Variants in HS6ST2 observed in about 807,000 individuals in gnomAD.
HS6ST2 encodes the protein heparan sulfate 6-O-sulfotransferase 2.
In HS6ST2, 17 loss-of-function variants were observed where a neutral mutation model predicts 33.0. The ratio of observed to expected loss-of-function variants is 0.52; its 90% CI spans 0.35 to 0.77. The LOEUF (loss-of-function observed/expected upper bound fraction) is 0.77. Ranked by LOEUF, HS6ST2 falls within the 30% of genes least tolerant of loss-of-function variation. The pLI, the probability that HS6ST2 is intolerant of heterozygous loss-of-function variation, is 0.01. For missense variants in HS6ST2, 519 were observed against 551.7 expected (o/e 0.94, Z 0.59); for synonymous variants, 248 against 237.1 (o/e 1.05, Z -0.42).
intron 2 of HS6ST2, among the ~76,000 whole-genome samples, chrX:132,941,679 C>A (rs2066888592): frequency 8.9e-6 from 1 of 112,128 alleles, no homozygotes; most frequent in African/African-American, 3.2e-5. Flanking sequence ...ATGTGTATAT[C>A]TTTATAACTT....
intron 4 of HS6ST2, among the ~76,000 whole-genome samples, chrX:132,664,251 C>T (rs1602555376): frequency 8.9e-6 from 1 of 111,862 alleles, no homozygotes. Flanking sequence ...CCTCATGGTC[C>T]GCCCACCTCG....
intron 2 of HS6ST2, among the ~76,000 whole-genome samples, chrX:132,813,422 T>G (rs866159629): frequency 2.6e-4 from 29 of 111,663 alleles, no homozygotes; most frequent in African/African-American, 9.4e-4. Flanking sequence ...AGATCACACA[T>G]ATAGATATTC....
At chrX:132,806,403 C>T (rs182382862) in intron 2 of HS6ST2, among the ~76,000 whole-genome samples, 1 of 109,456 alleles carries the variant, frequency 9.1e-6, no homozygotes, top group African/African-American at 3.3e-5. Flanking sequence ...GTAAATCACT[C>T]TCCACACAGA....
At chrX:132,855,680 G>A (rs931129627) in intron 2 of HS6ST2, among the ~76,000 whole-genome samples, 4 of 111,885 alleles carry the variant, frequency 3.6e-5, no homozygotes, top group Non-Finnish European at 5.6e-5. Context: ...CTAGAAATTT[G>A]TAAAACTGTT....
rs1270973703 is a variant in HS6ST2, at chrX:132,862,117, T to C, written c.947+94691A>G. ...AGTTTTTCCCAAGTCATTAGTTAAA[T>C]AGCTCTTCCTTTCTTATTCTTTTGT... On this transcript the variant is annotated intron_variant, in intron 2 of 4. Coordinates refer to ENST00000370833, the MANE Select transcript of HS6ST2 (RefSeq NM_001394073.1). Among the ~76,000 whole-genome samples the C allele has an allele frequency of 2.7e-5, 3 of 112,210 alleles. No individual in the cohort carries two copies. The Admixed American group carries it at 2.8e-4, about 11-fold the overall frequency.
At chrX:132,648,538 C>CAAAAAAA (rs386417567) in intron 4 of HS6ST2, among the ~76,000 whole-genome samples, 2 of 57,581 alleles carry the variant, frequency 3.5e-5, no homozygotes, top group Admixed American at 2.3e-4. Context: ...TGGAAAGAGA[C>CAAAAAAA]AAAAAAAAAA....
Position 132,804,492 on chromosome X carries a change from G to A in HS6ST2, c.948-95998C>T, listed in dbSNP as rs749406596. On this transcript the variant is annotated intron_variant, in intron 2 of 4. Transcript: ENST00000370833. Reference sequence around the variant, plus strand: ...TAGCCATACTCACTGCTCTTCTCCTGCTTCACCCATTCATAAGAAAAAGGG... The same window carrying A: ...TAGCCATACTCACTGCTCTTCTCCTACTTCACCCATTCATAAGAAAAAGGG... Among the ~76,000 whole-genome samples the A allele has an allele frequency of 1.3e-4, 15 of 111,815 alleles. No homozygotes were observed. The Admixed American group carries it at 1.4e-3, about 11-fold the overall frequency.
At chrX:132,653,548 C>G (rs1240142023) in intron 4 of HS6ST2, among the ~76,000 whole-genome samples, 1 of 111,279 alleles carries the variant, frequency 9.0e-6, no homozygotes, top group East Asian at 2.8e-4. Flanking sequence ...GCAAAGCCAG[C>G]CCCATCATTT....
At chrX:132,634,802 G>A (rs1346926071) in intron 4 of HS6ST2, among the ~76,000 whole-genome samples, 1 of 111,666 alleles carries the variant, frequency 9.0e-6, no homozygotes, top group African/African-American at 3.3e-5. Flanking sequence ...GAAGCAGGAT[G>A]TCCTTCAAAG....
chrX:132,887,192 A>G (rs1218459009), intron 2 of HS6ST2, among the ~76,000 whole-genome samples: 1 of 111,354 alleles, frequency 9.0e-6, no homozygotes, highest in Non-Finnish European at 1.9e-5. Context: ...ATGCAGTAAA[A>G]CTGTCCTTTG....
intron 2 of HS6ST2, among the ~76,000 whole-genome samples, chrX:132,851,772 C>A (rs1406590389): frequency 1.8e-5 from 2 of 111,760 alleles, no homozygotes; most frequent in Non-Finnish European, 3.8e-5. Flanking sequence ...TCCCCTAAAT[C>A]TTTTTCCTTA....
chrX:132,761,964 G>A (rs2064808590), intron 2 of HS6ST2, among the ~76,000 whole-genome samples: 1 of 111,958 alleles, frequency 8.9e-6, no homozygotes, highest in East Asian at 2.8e-4. Flanking sequence ...CATTTGTGAG[G>A]ATTAAATGGG....
intron 2 of HS6ST2, among the ~76,000 whole-genome samples, chrX:132,758,540 T>C (rs886739990): frequency 2.7e-5 from 3 of 112,071 alleles, no homozygotes; most frequent in Non-Finnish European, 5.6e-5. Context: ...GGCAAGGTCA[T>C]GGTTTCCTAA....
chrX:132,915,481 C>A (rs921744248), intron 2 of HS6ST2, among the ~76,000 whole-genome samples: 2 of 111,629 alleles, frequency 1.8e-5, no homozygotes, highest in Non-Finnish European at 3.8e-5. Flanking sequence ...TCAGGACCCA[C>A]GGATGGTCTT....
intron 4 of HS6ST2, among the ~76,000 whole-genome samples, chrX:132,637,824 A>ATT (rs2063562375): frequency 1.7e-5 from 1 of 58,159 alleles, no homozygotes; most frequent in African/African-American, 8.2e-5. Context: ...TTATATATAT[A>ATT]ATATTATATA....
intron 2 of HS6ST2, among the ~76,000 whole-genome samples, chrX:132,726,344 A>G (rs1328563611): frequency 1.8e-5 from 2 of 112,203 alleles, no homozygotes; most frequent in Admixed American, 9.4e-5. Flanking sequence ...AATAAAAAAT[A>G]AAAAGTAAAG....
chrX:132,842,765 G>A (rs776551317), intron 2 of HS6ST2, among the ~76,000 whole-genome samples: 1 of 112,143 alleles, frequency 8.9e-6, no homozygotes, highest in Non-Finnish European at 1.9e-5. Flanking sequence ...TGCCATGCCT[G>A]GGATGTTTAA....
At chrX:132,701,859 G>GT (rs1252633508) in intron 3 of HS6ST2, among the ~76,000 whole-genome samples, 2 of 112,147 alleles carry the variant, frequency 1.8e-5, no homozygotes, top group Non-Finnish European at 1.9e-5. Context: ...TTTTAGTGGT[G>GT]TTTGGCTTTT....
At chrX:132,941,993 T>C (rs2066892603) in intron 2 of HS6ST2, among the ~76,000 whole-genome samples, 1 of 111,914 alleles carries the variant, frequency 8.9e-6, no homozygotes, top group African/African-American at 3.2e-5. Context: ...TGTTTATACA[T>C]AAAATCATGT....
Sources: gnomAD v4.1 joint callset for allele counts (sites outside exome capture counted in the v4.1 genomes callset) on GRCh38, gnomAD v4.1.1 for gene constraint, MANE v1.5 for transcripts, NCBI Gene and HGNC (gene_info 2026-07-23, HGNC 2026-07-21) for gene names.